The following ZNF26 variants were observed in gnomAD, a reference collection of about 807,000 sequenced individuals.
ZNF26 encodes epididymis luminal protein 179.
Under a neutral mutation model 54.9 loss-of-function variants are expected in ZNF26, and 32 were observed. The ratio of observed to expected loss-of-function variants is 0.58; its 90% confidence interval spans 0.44 to 0.78. The LOEUF (loss-of-function observed/expected upper bound fraction) is 0.78, where lower values mean the gene tolerates loss of function less well. Ranked by LOEUF, ZNF26 falls within the 30% of genes least tolerant of loss-of-function variation. The pLI is 0.00. For missense variants in ZNF26, 524 were observed against 634.0 expected (o/e 0.83, Z 1.86); for synonymous variants, 221 against 209.2 (o/e 1.06, Z -0.49).
In ZNF26 at chr12:133,011,148, G is replaced by C. The variant is rs2137262120; in HGVS notation, c.1269G>C (p.Glu423Asp). 12 of 1,614,052 alleles carry C rather than the reference G, an allele frequency of 7.4e-6. No individual in the cohort carries two copies. In the East Asian group the frequency reaches 1.3e-4, roughly 18 times the overall value. The change falls in exon 4 of 4, where the codon GAG (glutamate) becomes GAC (aspartate). Residue 423 changes from glutamate (E) to aspartate (D), a missense_variant. Transcript: ENST00000328654. ...TACATAGGAGAACACACACCGGAGA[G>C]AGACCCTATGAATGTAGTTTGTGTG... is the stretch of plus-strand genomic sequence containing the variant. ...LVIHRRTHTG[E>D]RPYECSLCER... is the part of the protein sequence containing the mutation.
At position 133,007,053 on chromosome 12, in the gene ZNF26, A is replaced by T; in HGVS notation, c.45A>T (p.Ser15=). Residue 15 remains serine, a synonymous_variant, in exon 2 of 4, where the codon TCA becomes TCT. Transcript: ENST00000328654. ...GTGTGTTATTTCAGGGATTATTGTC[A>T]TTCAAGGATATATCTATGGAGTTCA... The part of the protein sequence containing the change: ...FRTASCWGLL[S]FKDISMEFTW... 1 of 1,614,174 alleles carries T rather than the reference A, an allele frequency of 6.2e-7. No homozygotes were observed. The highest frequency in any genetic ancestry group is 8.5e-7 in the Non-Finnish European group (1 of 1,180,016).
rs1953221784 is a variant in ZNF26 at position 133,001,656 on chromosome 12, G to A, written c.34-5386G>A. The A allele has an allele frequency of 3.9e-6, 5 of 1,289,134 alleles. No homozygotes were observed. The highest frequency in any genetic ancestry group is 1.2e-5 in the South Asian group (1 of 81,026). 79.9% of individuals were successfully genotyped at this position (1,289,134 alleles called of 1,614,324 possible). On this transcript the variant is annotated intron_variant, in intron 1 of 3. Transcript: ENST00000328654. This position sits in a 1 kb window ranked among gnomAD's most constrained non-coding sequence, Gnocchi z 4.7. ...AGGTAGTGCTGCTGAGGAGGAGCCT[G>A]CTAATGAGCTCAAGTGTCAAGTTCG...
chr12:132,998,260 G>A (rs1041846828), intron 1 of ZNF26, among the ~76,000 whole-genome samples: 3 of 151,048 alleles, frequency 2.0e-5, no homozygotes, highest in South Asian at 4.3e-4. Flanking sequence ...TTCGCCTCCC[G>A]GGTTCAAGCG....
Position 133,006,009 on chromosome 12 carries a change from G to A in ZNF26, c.34-1033G>A, listed in dbSNP as rs943639061. ...GTGTGATGCTTGCTTCTGGTACAGG[G>A]ACTGCAAATTATGTTCCATCTATTT... On this transcript the variant is annotated intron_variant, in intron 1 of 3. Transcript: ENST00000328654. 3 of 850,262 alleles carry A rather than the reference G, an allele frequency of 3.5e-6. No individual in the cohort carries two copies. In the South Asian group the frequency reaches 1.6e-4, roughly 46 times the overall value. 52.7% of individuals were successfully genotyped at this position (850,262 alleles called of 1,614,324 possible). A position where few individuals can be genotyped will look rare whatever the true frequency, so the allele number is the denominator to read the frequency against.
At position 133,022,516 on chromosome 12, in the gene ZNF26, A is replaced by G. The variant is rs1953657955; in HGVS notation, c.*11035A>G. 6.6e-6 allele frequency: 1 copy of G among 152,220 alleles called. No homozygotes were observed. The highest frequency in any genetic ancestry group is 1.5e-5 in the Non-Finnish European group (1 of 68,046). 9.4% of individuals were successfully genotyped at this position (152,220 alleles called of 1,614,324 possible). On this transcript the variant is annotated 3_prime_UTR_variant, in exon 4 of 4. Coordinates refer to ENST00000328654, the MANE Select transcript of ZNF26 (RefSeq NM_019591.4). ...AAGTAAAACTGGGGAAATGTTAAGTATTGTGTGTCAGTATTCTGGCTGTGA... is the reference window on the plus strand; with the variant it reads ...AAGTAAAACTGGGGAAATGTTAAGTGTTGTGTGTCAGTATTCTGGCTGTGA...
intron 1 of ZNF26, chr12:133,006,257 C>T (rs964832687): frequency 2.1e-5 from 21 of 985,432 alleles, no homozygotes; most frequent in Non-Finnish European, 2.5e-5. Context: ...CCTTCAGACT[C>T]CTGCAAGTAG....
In ZNF26 at chr12:133,011,888, TG is replaced by T. The variant is rs1953482398; in HGVS notation, c.*408del. 6.5e-6 allele frequency: 1 copy of T among 153,902 alleles called. No homozygotes were observed. Among genetic ancestry groups the T allele is most frequent in the East Asian group, 1.9e-4 (1 of 5,230 alleles). 9.5% of individuals were successfully genotyped at this position (153,902 alleles called of 1,614,324 possible). ...TTGACTTCATGGTGGAGTATAAAGT[TG>T]TTTTTTTAAAAATATGTAAATAATG... On this transcript the variant is annotated 3_prime_UTR_variant, in exon 4 of 4. Coordinates refer to ENST00000328654, the MANE Select transcript of ZNF26 (RefSeq NM_019591.4).
intron 1 of ZNF26, among the ~76,000 whole-genome samples, chr12:132,987,349 C>T (rs887772384): frequency 1.3e-3 from 205 of 152,242 alleles, no homozygotes; most frequent in African/African-American, 4.7e-3. Flanking sequence ...AGAGGGTAGT[C>T]TAGTGAACTA....
intron 1 of ZNF26, chr12:133,006,748 CTG>C: frequency 7.2e-6 from 2 of 276,964 alleles, no homozygotes; most frequent in Non-Finnish European, 7.0e-6. Flanking sequence ...GTGCCTGCCA[CTG>C]CGCCCAGCTA....
In ZNF26 at chr12:133,010,117, T is replaced by C; in HGVS notation, c.257-19T>C. On this transcript the variant is annotated intron_variant, in intron 3 of 3. Coordinates refer to ENST00000328654, the MANE Select transcript of ZNF26 (RefSeq NM_019591.4). ...TATGTTATGATTCAAAAAGTTATATTTTGTTTGTTTTTTTGTAGATGGCTG... is the reference window on the plus strand; with the variant it reads ...TATGTTATGATTCAAAAAGTTATATCTTGTTTGTTTTTTTGTAGATGGCTG... The C allele has an allele frequency of 6.4e-7, 1 of 1,573,120 alleles. No homozygotes were observed. Among genetic ancestry groups the C allele is most frequent in the South Asian group, 1.2e-5 (1 of 83,994 alleles).
rs1315651118 is a variant in ZNF26 at position 133,019,227 on chromosome 12, G to C, written c.*7746G>C. 1 of 152,048 alleles carries C rather than the reference G, an allele frequency of 6.6e-6. No homozygotes were observed. The highest frequency in any genetic ancestry group is 2.4e-5 in the African/African-American group (1 of 41,398). 9.4% of individuals were successfully genotyped at this position (152,048 alleles called of 1,614,324 possible). On this transcript the variant is annotated 3_prime_UTR_variant, in exon 4 of 4. Coordinates refer to ENST00000328654, the MANE Select transcript of ZNF26 (RefSeq NM_019591.4). ...AGCTGGGAAGCTTCCATACTGCCGA[G>C]GAAATAACAAAATAAAGAGACAACC...
At chr12:132,999,781 C>T (rs1193529301) in intron 1 of ZNF26, among the ~76,000 whole-genome samples, 1 of 151,928 alleles carries the variant, frequency 6.6e-6, no homozygotes, top group African/African-American at 2.4e-5. Flanking sequence ...ACAACCTCCA[C>T]CTCCTGGGTT....
chr12:133,021,438 A>G lies in ZNF26; in HGVS notation c.*9957A>G, dbSNP rs1326805820. 7 of 149,518 alleles carry G rather than the reference A, an allele frequency of 4.7e-5. No individual in the cohort carries two copies. The highest frequency in any genetic ancestry group is 8.9e-5 in the Non-Finnish European group (6 of 67,472). 9.3% of individuals were successfully genotyped at this position (149,518 alleles called of 1,614,324 possible). On this transcript the variant is annotated 3_prime_UTR_variant, in exon 4 of 4. Coordinates refer to ENST00000328654, the MANE Select transcript of ZNF26 (RefSeq NM_019591.4). Reference sequence around the variant, plus strand: ...AGTGCTGGGATTACAGGCGTGAGCCACTGTGCCCTGCCAATGCTTATACAT... The same window carrying G: ...AGTGCTGGGATTACAGGCGTGAGCCGCTGTGCCCTGCCAATGCTTATACAT...
intron 1 of ZNF26, among the ~76,000 whole-genome samples, chr12:133,000,330 C>A (rs1953183589): frequency 1.3e-5 from 2 of 151,612 alleles, no homozygotes; most frequent in African/African-American, 4.8e-5. Flanking sequence ...TCGCTCACTG[C>A]AGCCTTCACC....
chr12:133,005,647 A>T (rs997576966), intron 1 of ZNF26: 6 of 152,270 alleles, frequency 3.9e-5, no homozygotes, highest in African/African-American at 1.4e-4. Context: ...TTTGGGAGGT[A>T]TTTAGGATTT....
intron 1 of ZNF26, among the ~76,000 whole-genome samples, chr12:132,993,208 A>T (rs1953001956): frequency 6.6e-6 from 1 of 151,420 alleles, no homozygotes; most frequent in Non-Finnish European, 1.5e-5. Flanking sequence ...TATTTTTAGT[A>T]GAGACAGAGT....
intron 1 of ZNF26, among the ~76,000 whole-genome samples, chr12:132,993,244 C>T (rs1055538886): frequency 4.0e-5 from 6 of 151,682 alleles, no homozygotes; most frequent in Non-Finnish European, 7.4e-5. Context: ...AGGCTGGTTT[C>T]GAACTTCTGA....
rs748346208 is a variant in ZNF26 at position 133,014,285 on chromosome 12, C to T, written c.*2804C>T. 1.8e-3 allele frequency: 280 copies of T among 152,466 alleles called. 5 individuals carry two copies. The highest frequency in any genetic ancestry group is 3.4e-3 in the Middle Eastern group (1 of 298). 9.4% of individuals were successfully genotyped at this position (152,466 alleles called of 1,614,324 possible). On this transcript the variant is annotated 3_prime_UTR_variant, in exon 4 of 4. Coordinates refer to ENST00000328654, the MANE Select transcript of ZNF26 (RefSeq NM_019591.4). Reference sequence around the variant, plus strand: ...CTTAAAAGCTGGTTACAGCGGTGCACACCTGCAATCCCAGCTACTCAGGAG... The same window carrying T: ...CTTAAAAGCTGGTTACAGCGGTGCATACCTGCAATCCCAGCTACTCAGGAG...
intron 1 of ZNF26, among the ~76,000 whole-genome samples, chr12:132,997,467 A>AG (rs1491423466): frequency 2.0e-5 from 3 of 149,362 alleles, no homozygotes; most frequent in Non-Finnish European, 4.4e-5. Flanking sequence ...AGTCCAGAAC[A>AG]GGGGTTAATC....
Sources: allele counts gnomAD v4.1 joint callset (sites outside exome capture counted in the v4.1 genomes callset), GRCh38; gene constraint gnomAD v4.1.1; non-coding constraint Gnocchi (gnomAD v3.1); transcripts MANE v1.5; gene names NCBI Gene and HGNC (gene_info 2026-07-23, HGNC 2026-07-21).